The following CNTN4 variants were observed in gnomAD, a reference collection of about 807,000 sequenced individuals.
CNTN4 encodes the protein contactin-4.
In CNTN4, 77 loss-of-function variants were observed where a neutral mutation model predicts 122.5. The observed-to-expected ratio is 0.63, with a 90% CI of 0.52 to 0.76. The LOEUF is 0.76. Ranked by LOEUF, CNTN4 falls within the 30% of genes least tolerant of loss-of-function variation. CNTN4 has a pLI of 0.00. For synonymous variants in CNTN4, 512 were observed against 447.0 expected (o/e 1.15, Z -1.83); for missense variants, 1,256 against 1,259.1 (o/e 1.00, Z 0.04).
chr3:2,329,593 T>C (rs529483300), intron 2 of CNTN4, among the ~76,000 whole-genome samples: 1 of 152,308 alleles, frequency 6.6e-6, no homozygotes, highest in South Asian at 2.1e-4. Context: ...TGAGGCCCAC[T>C]ACAGTCTAGG....
chr3:2,844,091 GC>G (rs2093413788), intron 7 of CNTN4, among the ~76,000 whole-genome samples: 1 of 152,134 alleles, frequency 6.6e-6, no homozygotes, highest in South Asian at 2.1e-4. Flanking sequence ...TAGCAATGGG[GC>G]CTTTGTGAGT....
chr3:2,759,266 C>T (rs2090477936), intron 6 of CNTN4, among the ~76,000 whole-genome samples: 1 of 152,146 alleles, frequency 6.6e-6, no homozygotes, highest in Non-Finnish European at 1.5e-5. Flanking sequence ...AGCTATTCTC[C>T]TGCCTCAGCC....
chr3:2,300,716 C>T (rs796998793), intron 2 of CNTN4, among the ~76,000 whole-genome samples: 35 of 151,634 alleles, frequency 2.3e-4, no homozygotes, highest in African/African-American at 6.3e-4. Context: ...GGATCACAGG[C>T]GCGCGCCACC....
intron 3 of CNTN4, among the ~76,000 whole-genome samples, chr3:2,414,132 T>C (rs2151057003): frequency 6.6e-6 from 1 of 152,314 alleles, no homozygotes; most frequent in Non-Finnish European, 1.5e-5. Context: ...CTTTCTGACT[T>C]GAGGGATTTC....
intron 2 of CNTN4, among the ~76,000 whole-genome samples, chr3:2,303,258 A>G (rs1575321068): frequency 6.6e-6 from 1 of 152,186 alleles, no homozygotes; most frequent in Non-Finnish European, 1.5e-5. Context: ...TAAAGTGTAC[A>G]ATTTAGTATA....
intron 3 of CNTN4, among the ~76,000 whole-genome samples, chr3:2,463,079 T>C (rs2049288955): frequency 6.6e-6 from 1 of 152,178 alleles, no homozygotes; most frequent in South Asian, 2.1e-4. Context: ...GGACGCGGTG[T>C]CTTTTTACCT....
chr3:3,035,587 C>T (rs1699531922), intron 17 of CNTN4, among the ~76,000 whole-genome samples: 1 of 152,122 alleles, frequency 6.6e-6, no homozygotes, highest in African/African-American at 2.4e-5. Flanking sequence ...GACAGGGTCT[C>T]ACTCTGTCAC....
intron 4 of CNTN4, among the ~76,000 whole-genome samples, chr3:2,711,747 C>A (rs528132879): frequency 6.6e-6 from 1 of 152,078 alleles, no homozygotes; most frequent in Non-Finnish European, 1.5e-5. Context: ...TGGGACCAGG[C>A]AATACTCATA....
chr3:2,911,639 G>C (rs1358950391), intron 12 of CNTN4, among the ~76,000 whole-genome samples: 1 of 152,066 alleles, frequency 6.6e-6, no homozygotes, highest in Non-Finnish European at 1.5e-5. Context: ...TTCTCATAAA[G>C]ACGCTCAAGG....
chr3:2,159,137 G>T (rs2035846659), intron 2 of CNTN4, among the ~76,000 whole-genome samples: 3 of 152,250 alleles, frequency 2.0e-5, no homozygotes, highest in South Asian at 4.1e-4. Context: ...CACCATACAG[G>T]ATCTGATCTG....
Position 2,910,723 on chromosome 3 carries a change from T to C in CNTN4, c.1207+7718T>C, listed in dbSNP as rs748469322. ...GAATAAATAAATGAAGTAACTATTT[T>C]TCCCCCTCCACCACCTTCTGGCAAA... On this transcript the variant is annotated intron_variant, in intron 12 of 24. Transcript: ENST00000418658. Among the ~76,000 whole-genome samples the C allele has an allele frequency of 4.0e-4, 61 of 152,274 alleles. 1 individual carries two copies. The highest frequency in any genetic ancestry group is 7.5e-4 in the Non-Finnish European group (51 of 68,020).
At chr3:2,422,276 C>G (rs991658401) in intron 3 of CNTN4, among the ~76,000 whole-genome samples, 3 of 152,200 alleles carry the variant, frequency 2.0e-5, no homozygotes, top group Non-Finnish European at 2.9e-5. Context: ...CTCCTTCCCC[C>G]TCTTTCCAGA....
At position 2,228,613 on chromosome 3, in the gene CNTN4, G is replaced by A. The variant is rs551644184; in HGVS notation, c.-144-110565G>A. Among the ~76,000 whole-genome samples the A allele has an allele frequency of 3.6e-4, 54 of 152,040 alleles. 1 individual carries two copies. The highest frequency in any genetic ancestry group is 1.5e-4 in the Non-Finnish European group (10 of 67,964). ...ATTATTTCTAATGTATCAAATGATG[G>A]TATTATAGACATATTATTATCTTCA... On this transcript the variant is annotated intron_variant, in intron 2 of 24. Coordinates refer to ENST00000418658, the MANE Select transcript of CNTN4 (RefSeq NM_175607.3).
intron 6 of CNTN4, among the ~76,000 whole-genome samples, chr3:2,777,611 G>C (rs886802510): frequency 6.6e-6 from 1 of 152,150 alleles, no homozygotes; most frequent in African/African-American, 2.4e-5. Flanking sequence ...AGGAGAGTAG[G>C]CTTTGCTGTT....
intron 4 of CNTN4, among the ~76,000 whole-genome samples, chr3:2,635,447 CTGTT>C (rs1246125366): frequency 6.6e-6 from 1 of 152,158 alleles, no homozygotes; most frequent in Non-Finnish European, 1.5e-5. Context: ...AAAAAAGGTG[CTGTT>C]TGTGTATATC....
chr3:2,369,131 G>C (rs2045531935), intron 3 of CNTN4, among the ~76,000 whole-genome samples: 1 of 152,010 alleles, frequency 6.6e-6, no homozygotes, highest in East Asian at 1.9e-4. Flanking sequence ...AACCATGTTG[G>C]CCAGGCTGGT....
intron 3 of CNTN4, among the ~76,000 whole-genome samples, chr3:2,566,102 A>C (rs1390987354): frequency 6.6e-6 from 1 of 152,276 alleles, no homozygotes; most frequent in East Asian, 1.9e-4. Flanking sequence ...AGTATTACAG[A>C]TTCTGCACCT....
intron 2 of CNTN4, among the ~76,000 whole-genome samples, chr3:2,239,594 T>G (rs1038166895): frequency 6.6e-6 from 1 of 152,192 alleles, no homozygotes; most frequent in Non-Finnish European, 1.5e-5. Flanking sequence ...GTCAGTGAGA[T>G]GAATCCTATG....
At chr3:2,347,019 TTA>T (rs1336619377) in intron 3 of CNTN4, among the ~76,000 whole-genome samples, 1 of 152,220 alleles carries the variant, frequency 6.6e-6, no homozygotes, top group Non-Finnish European at 1.5e-5. Flanking sequence ...ACTTTTTTCT[TTA>T]TGTCTTCATT....
Sources: allele counts gnomAD v4.1 joint callset (sites outside exome capture counted in the v4.1 genomes callset), GRCh38; gene constraint gnomAD v4.1.1; transcripts MANE v1.5; gene names NCBI Gene and HGNC (gene_info 2026-07-23, HGNC 2026-07-21).